HNRNPH1: variants seen among roughly 807,000 people sequenced by gnomAD.
The protein encoded by HNRNPH1 is heterogeneous nuclear ribonucleoprotein H.
A neutral mutation model predicts 58.6 loss-of-function variants in HNRNPH1; 4 were observed. The ratio of observed to expected loss-of-function variants is 0.07; its 90% CI spans 0.03 to 0.16. HNRNPH1 has a LOEUF of 0.16. Ranked by LOEUF, HNRNPH1 falls within the 10% of genes least tolerant of loss-of-function variation. The pLI is 1.00. For synonymous variants in HNRNPH1, 192 were observed against 189.2 expected, an observed-to-expected ratio of 1.01 and a Z score of -0.12; for missense variants, 271 against 564.2, an observed-to-expected ratio of 0.48 and a Z score of 5.26.
chr5:179,617,384 G>A (rs1397564374), intron 8 of HNRNPH1, 130 bp downstream of exon 9: 19 of 1,091,510 alleles, frequency 1.7e-5, no homozygotes, highest in East Asian at 9.5e-5. Flanking sequence ...CACTGCCCCC[G>A]CATCCCCCAA....
At chr5:179,620,559 G>C (rs866405680) in intron 3 of HNRNPH1, 2 of 215,222 alleles carry the variant, frequency 9.3e-6, no homozygotes, top group Non-Finnish European at 1.8e-5. Flanking sequence ...TCGCACTGAT[G>C]ATCTGCTGGT....
At chr5:179,622,000 A>T (rs1445287416) in intron 1 of HNRNPH1, 1 of 456,204 alleles carries the variant, frequency 2.2e-6, no homozygotes, top group South Asian at 1.5e-5. Context: ...GTAAGTCAAT[A>T]CTACAAACGT....
intron 9 of HNRNPH1, 44 bp downstream of exon 10, chr5:179,617,007 A>T: frequency 1.3e-6 from 2 of 1,598,962 alleles, no homozygotes. Flanking sequence ...AAAAGACACT[A>T]AAGTGATATT....
At chr5:179,629,101 TC>T (rs1293276728), upstream of HNRNPH1, 1 of 138,970 alleles carries the variant, frequency 7.2e-6, no homozygotes, top group Non-Finnish European at 1.6e-5. Context: ...ATCGAGACCA[TC>T]CTGGATAACA....
chr5:179,615,631 C>T, intron 11 of HNRNPH1, 36 bp from the exon 13 acceptor site: 2 of 1,094,520 alleles, frequency 1.8e-6, no homozygotes, highest in Non-Finnish European at 1.4e-6. Context: ...ACTATAATAC[C>T]AAAATCACCA....
intron 12 of HNRNPH1, 190 bp downstream of exon 13, chr5:179,615,356 G>C (rs1449994572): frequency 4.0e-6 from 2 of 500,110 alleles, no homozygotes; most frequent in Admixed American, 7.3e-5. Context: ...GAGCACAGGG[G>C]AAGTCTCTTG....
exon 1 of HNRNPH1, chr5:179,623,138 TCTTAC>T (rs1477332074): frequency 6.3e-7 from 1 of 1,599,148 alleles, no homozygotes; most frequent in East Asian, 2.3e-5. Context: ...CATCATCGTC[TCTTAC>T]GCGGTCCGGC....
Position 179,615,558 on chromosome 5 carries a change from T to C in HNRNPH1, c.1338A>G (p.Ser446=), listed in dbSNP as rs1179703671. ...AGAAAATATTTACCTATGCAATGTT[T>C]GATTGAAAATCACTGGAGTTTTCCT... is the stretch of plus-strand genomic sequence containing the variant. The change falls in exon 12 of 13, where the codon TCA becomes TCG. Residue 446 remains serine (S), a synonymous_variant. Coordinates refer to ENST00000356731, the Ensembl canonical transcript of HNRNPH1. 6 of 1,552,634 alleles carry C rather than the reference T, an allele frequency of 3.9e-6. 1 individual carries two copies. In the South Asian group the frequency reaches 4.5e-5, roughly 12 times the overall value.
exon 1 of HNRNPH1, chr5:179,623,296 A>C: frequency 2.2e-6 from 1 of 460,140 alleles, no homozygotes; most frequent in Non-Finnish European, 4.1e-6. Context: ...CGACTCCAAC[A>C]CCTCCTCGTC....
intron 2 of HNRNPH1, among the ~76,000 whole-genome samples, chr5:179,632,292 A>G (rs1407768678): frequency 1.4e-5 from 2 of 147,920 alleles, no homozygotes; most frequent in Non-Finnish European, 3.0e-5. Context: ...TGAGTGACAG[A>G]GCGAGACTCC....
At chr5:179,616,073 AT>A in intron 11 of HNRNPH1, 52 bp downstream of exon 12, 1 of 1,438,102 alleles carries the variant, frequency 7.0e-7, no homozygotes, top group Non-Finnish European at 9.8e-7. Flanking sequence ...AAGTACAGTA[AT>A]GAACAGGCTT....
At chr5:179,622,481 T>G (rs1772937846) in intron 1 of HNRNPH1, among the ~76,000 whole-genome samples, 1 of 152,026 alleles carries the variant, frequency 6.6e-6, no homozygotes, top group Non-Finnish European at 1.5e-5. Context: ...GAAACCGAGG[T>G]GGGCGGATCA....
chr5:179,619,496 C>G, intron 3 of HNRNPH1, 89 bp from the exon 5 acceptor site: 1 of 1,245,840 alleles, frequency 8.0e-7, no homozygotes, highest in South Asian at 1.5e-5. Context: ...TTAAATAAAC[C>G]AGAATTTTTA....
intron 11 of HNRNPH1, 69 bp downstream of exon 12, chr5:179,616,057 T>C (rs2127605497): frequency 7.5e-7 from 1 of 1,330,254 alleles, no homozygotes; most frequent in African/African-American, 1.4e-5. Context: ...TACCATAACT[T>C]ACTCTAAGTA....
exon 13 of HNRNPH1, chr5:179,614,504 A>T (rs1411569930): frequency 1.2e-5 from 2 of 171,932 alleles, no homozygotes; most frequent in Non-Finnish European, 2.5e-5. Context: ...CATCCAAAAC[A>T]GTGTTCAATT....
chr5:179,614,307 C>G (rs1768376121), exon 13 of HNRNPH1: 1 of 151,666 alleles, frequency 6.6e-6, no homozygotes, highest in South Asian at 2.1e-4. Context: ...GACCAAAATC[C>G]TAAGTATTGG....
At chr5:179,631,874 C>T (rs1020007661) in intron 2 of HNRNPH1, among the ~76,000 whole-genome samples, 5 of 152,052 alleles carry the variant, frequency 3.3e-5, no homozygotes, top group African/African-American at 9.7e-5. Flanking sequence ...GCTGAGATCG[C>T]GCCCCTTAAC....
chr5:179,615,038 T>C (rs1768834728), intron 12 of HNRNPH1, 79 bp from the exon 14 acceptor site: 3 of 919,710 alleles, frequency 3.3e-6, no homozygotes, highest in Non-Finnish European at 1.7e-6. Flanking sequence ...CAAGAAAAAG[T>C]TTAAAAAGTA....
intron 7 of HNRNPH1, 30 bp downstream of exon 8, chr5:179,617,767 AAT>A: frequency 1.2e-6 from 2 of 1,612,220 alleles, no homozygotes; most frequent in Non-Finnish European, 1.7e-6. Context: ...GCCATACTGA[AAT>A]ATTGACTTGT....
Sources: gnomAD v4.1 joint callset for allele counts (sites outside exome capture counted in the v4.1 genomes callset) on GRCh38, gnomAD v4.1.1 for gene constraint, MANE v1.5 for transcripts, NCBI Gene and HGNC (gene_info 2026-07-23, HGNC 2026-07-21) for gene names.